DPP10: variants seen among roughly 807,000 people sequenced by gnomAD.
DPP10 encodes the protein inactive dipeptidyl peptidase 10.
Under a neutral mutation model 120.9 loss-of-function variants are expected in DPP10, and 33 were observed. That is an observed-to-expected ratio of 0.27 (90% CI 0.21 to 0.37). The LOEUF (loss-of-function observed/expected upper bound fraction) is 0.37. Ranked by LOEUF, DPP10 falls within the 10% of genes least tolerant of loss-of-function variation. DPP10 has a pLI of 1.00. For missense variants in DPP10, 816 were observed against 942.8 expected (o/e 0.87, Z 1.76); for synonymous variants, 337 against 326.1 (o/e 1.03, Z -0.36).
At chr2:115,705,776 C>A (rs2092077995) in intron 7 of DPP10, among the ~76,000 whole-genome samples, 1 of 151,758 alleles carries the variant, frequency 6.6e-6, no homozygotes, top group African/African-American at 2.4e-5. Context: ...TTATCTGAAA[C>A]AAAATCGAAT....
intron 1 of DPP10, among the ~76,000 whole-genome samples, chr2:115,081,434 A>ATTTTC (rs1708265211): frequency 6.6e-6 from 1 of 152,124 alleles, no homozygotes; most frequent in Non-Finnish European, 1.5e-5. Context: ...CTTAATTTCT[A>ATTTTC]TGATATATTT....
intron 1 of DPP10, among the ~76,000 whole-genome samples, chr2:115,197,116 G>A (rs1050890683): frequency 3.3e-5 from 5 of 152,146 alleles, no homozygotes; most frequent in East Asian, 1.9e-4. Flanking sequence ...AGGCAAGGCC[G>A]GGAGGGGTGG....
chr2:115,047,482 G>C (rs1378760746), intron 1 of DPP10, among the ~76,000 whole-genome samples: 1 of 151,566 alleles, frequency 6.6e-6, no homozygotes, highest in Non-Finnish European at 1.5e-5. Context: ...ATATTTTCAT[G>C]AGTAAAAATT....
rs572974786 is a variant in DPP10, at chr2:114,443,338, TAGAG to T, written c.60+507_60+510del. 4.1e-3 allele frequency among the ~76,000 whole-genome samples: 630 copies of T among 152,222 alleles called. 2 individuals are homozygous for T. Among genetic ancestry groups the T allele is most frequent in the African/African-American group, 0.014 (602 of 41,538 alleles). On this transcript the variant is annotated intron_variant, in intron 1 of 25. Transcript: ENST00000410059. Reference sequence around the variant, plus strand: ...ATTATAGTGAGAGAGGATGAAAGACTAGAGAGAGAGTATAAAATCACATGTCTTT... The same window carrying T: ...ATTATAGTGAGAGAGGATGAAAGACTAGAGAGTATAAAATCACATGTCTTT...
intron 1 of DPP10, among the ~76,000 whole-genome samples, chr2:114,919,086 G>A (rs1199281253): frequency 6.6e-6 from 1 of 151,028 alleles, no homozygotes; most frequent in Non-Finnish European, 1.5e-5. Context: ...GAGGGTTGGG[G>A]GACAAAAGAA....
chr2:114,989,448 G>A (rs1054859619), intron 1 of DPP10, among the ~76,000 whole-genome samples: 8 of 152,156 alleles, frequency 5.3e-5, no homozygotes, highest in Admixed American at 1.3e-4. Context: ...AGAAGTGATC[G>A]TTGCTTAAGT....
chr2:115,004,846 T>C (rs541240556), intron 1 of DPP10, among the ~76,000 whole-genome samples: 22 of 151,888 alleles, frequency 1.4e-4, no homozygotes, highest in Admixed American at 2.6e-4. Flanking sequence ...CCGGGAAGCT[T>C]GAACTGGGTG....
intron 1 of DPP10, among the ~76,000 whole-genome samples, chr2:114,637,073 T>C (rs957959039): frequency 2.0e-5 from 3 of 151,990 alleles, no homozygotes; most frequent in Admixed American, 6.6e-5. Flanking sequence ...TGAAGAACAT[T>C]GTTTTACTTT....
intron 1 of DPP10, among the ~76,000 whole-genome samples, chr2:114,527,657 C>T (rs752851043): frequency 7.2e-5 from 11 of 152,002 alleles, no homozygotes; most frequent in South Asian, 2.1e-4. Context: ...AGTTATGCAC[C>T]GTTTAATGAC....
chr2:115,466,386 A>G (rs1250158574), intron 3 of DPP10, among the ~76,000 whole-genome samples: 1 of 152,198 alleles, frequency 6.6e-6, no homozygotes, highest in East Asian at 1.9e-4. Flanking sequence ...TAATAGAGTC[A>G]TTTTCCACAA....
intron 1 of DPP10, among the ~76,000 whole-genome samples, chr2:114,596,080 C>T (rs1297153624): frequency 6.6e-6 from 1 of 151,980 alleles, no homozygotes; most frequent in East Asian, 1.9e-4. Flanking sequence ...TCCTGAGTTG[C>T]CTAATTTCAC....
intron 1 of DPP10, among the ~76,000 whole-genome samples, chr2:114,744,227 A>G (rs956586414): frequency 1.3e-5 from 2 of 152,300 alleles, no homozygotes; most frequent in East Asian, 1.9e-4. Context: ...CCTTATTTCT[A>G]TGGGCAACAA....
At chr2:115,583,627 G>A (rs189402750) in intron 5 of DPP10, among the ~76,000 whole-genome samples, 6 of 152,272 alleles carry the variant, frequency 3.9e-5, no homozygotes, top group African/African-American at 1.4e-4. Flanking sequence ...CCAAGAGACA[G>A]GAAACAGGTA....
intron 1 of DPP10, among the ~76,000 whole-genome samples, chr2:114,938,058 T>C (rs1208892292): frequency 1.3e-5 from 2 of 152,182 alleles, no homozygotes; most frequent in Non-Finnish European, 2.9e-5. Context: ...AACTGAAAAG[T>C]ATAGGAAAGT....
chr2:114,988,811 T>A (rs1478791432), intron 1 of DPP10, among the ~76,000 whole-genome samples: 1 of 152,216 alleles, frequency 6.6e-6, no homozygotes, highest in African/African-American at 2.4e-5. Flanking sequence ...AATAAATCTA[T>A]AGAATTTGTA....
intron 3 of DPP10, among the ~76,000 whole-genome samples, chr2:115,384,396 A>G (rs551807244): frequency 1.6e-5 from 2 of 128,848 alleles, no homozygotes; most frequent in African/African-American, 4.9e-5. Context: ...GCAGAAGCAG[A>G]AGAAGGAGAA....
chr2:114,549,728 C>A (rs971443838), intron 1 of DPP10, among the ~76,000 whole-genome samples: 19 of 141,290 alleles, frequency 1.3e-4, no homozygotes, highest in African/African-American at 4.4e-4. Flanking sequence ...TGGGTACAAA[C>A]AGGAAGAGAG....
chr2:115,422,761 CTA>C (rs2070093882), intron 3 of DPP10, among the ~76,000 whole-genome samples: 1 of 152,104 alleles, frequency 6.6e-6, no homozygotes, highest in Admixed American at 6.5e-5. Flanking sequence ...TGAAATAAAA[CTA>C]TATAAATTTG....
chr2:114,959,801 G>A (rs977894199), intron 1 of DPP10, among the ~76,000 whole-genome samples: 9 of 152,090 alleles, frequency 5.9e-5, no homozygotes, highest in African/African-American at 9.7e-5. Flanking sequence ...GTTTTGGTTC[G>A]CAGTTTTCTA....
Sources: allele counts gnomAD v4.1 joint callset (sites outside exome capture counted in the v4.1 genomes callset), GRCh38; gene constraint gnomAD v4.1.1; transcripts MANE v1.5; gene names NCBI Gene and HGNC (gene_info 2026-07-23, HGNC 2026-07-21).